The following MKRN2 variants were observed in gnomAD, a reference collection of about 807,000 sequenced individuals.
The protein encoded by MKRN2 is makorin ring finger protein 2.
In MKRN2, 32 loss-of-function variants were observed where a neutral mutation model predicts 45.4. That is an observed-to-expected ratio of 0.70 (90% CI 0.53 to 0.95). The LOEUF is 0.95. Among genes scored for constraint, MKRN2 ranks in the 40% least tolerant of loss-of-function variants. The probability of loss-of-function intolerance (pLI) is 0.00; values close to 1 mark genes in which losing one functional copy is unlikely to be tolerated. For missense variants in MKRN2, 526 were observed against 536.7 expected (o/e 0.98, Z 0.20); for synonymous variants, 206 against 192.4 (o/e 1.07, Z -0.59).
In MKRN2 at chr3:12,583,394, TTAGAG is replaced by T. The variant is rs1222552635; in HGVS notation, c.*1144_*1148del. 7.4e-5 allele frequency: 13 copies of T among 175,994 alleles called. 1 individual carries two copies. Among genetic ancestry groups the T allele is most frequent in the Admixed American group, 2.5e-4 (4 of 15,858 alleles). The allele number at this position is 175,994 out of a possible 1,614,324, so 10.9% of individuals were successfully genotyped here. A position where few individuals can be genotyped will look rare whatever the true frequency, so the allele number is the denominator to read the frequency against. ...GTATTACTTAAGGTATTAGCTGAGT[TTAGAG>T]TACTTTCTGCTTAATTAATTTTTAT... On this transcript the variant is annotated 3_prime_UTR_variant, in exon 8 of 8. Coordinates refer to ENST00000170447, the MANE Select transcript of MKRN2 (RefSeq NM_014160.5).
chr3:12,563,031 C>A (rs1404541733), intron 1 of MKRN2, among the ~76,000 whole-genome samples: 1 of 152,204 alleles, frequency 6.6e-6, no homozygotes, highest in Non-Finnish European at 1.5e-5. Flanking sequence ...TGGTCCCTGG[C>A]TCCAAAAAGA....
At position 12,576,742 on chromosome 3, in the gene MKRN2, G is replaced by A; in HGVS notation, c.968+1G>A. ...TTGAAGCTTTCAAACAGGGGATGGG[G>A]TAAGTGCTTTTGAGTTTCGACGTGC... On this transcript the variant is annotated splice_donor_variant, in intron 6 of 7. Coordinates refer to ENST00000170447, the MANE Select transcript of MKRN2 (RefSeq NM_014160.5). LOFTEE classifies it high-confidence loss of function. The A allele has an allele frequency of 6.3e-7, 1 of 1,589,624 alleles. No homozygotes were observed. The highest frequency in any genetic ancestry group is 1.1e-5 in the South Asian group (1 of 90,538).
At chr3:12,557,213 C>G in intron 1 of MKRN2, 37 bp downstream of exon 1, 1 of 1,529,964 alleles carries the variant, frequency 6.5e-7, no homozygotes, top group Non-Finnish European at 8.8e-7. Context: ...GGGCCGCTCC[C>G]CCAGGCCGCA....
chr3:12,578,850 A>G (rs1216049142), intron 6 of MKRN2, among the ~76,000 whole-genome samples: 2 of 148,382 alleles, frequency 1.3e-5, no homozygotes, highest in African/African-American at 2.5e-5. Flanking sequence ...TTAGTTTACT[A>G]AAGCTTGATT....
chr3:12,582,199 A>G lies in MKRN2; in HGVS notation c.1197A>G (p.Thr399=). The G allele has an allele frequency of 4.3e-6, 7 of 1,614,176 alleles. No individual in the cohort carries two copies. The highest frequency in any genetic ancestry group is 5.9e-6 in the Non-Finnish European group (7 of 1,180,044). ...HVPNNEDVDM[T]ELGDLFMHLS... ...CCAACAATGAAGATGTCGACATGAC[A>G]GAGCTCGGGGACCTCTTCATGCACC... is the stretch of plus-strand genomic sequence containing the variant. The change falls in exon 8 of 8, where the codon ACA becomes ACG. Residue 399 remains threonine, a synonymous_variant. Transcript: ENST00000170447.
rs552089106 is a variant in MKRN2 at position 12,571,133 on chromosome 3, G to GT, written c.337+891dup. 2.5e-3 allele frequency among the ~76,000 whole-genome samples: 306 copies of GT among 124,492 alleles called. 2 individuals carry two copies. Among genetic ancestry groups the GT allele is most frequent in the South Asian group, 0.02 (85 of 4,254 alleles). The allele number at this position is 124,492 out of a possible 152,430, so 81.7% of individuals were successfully genotyped here. A position where few individuals can be genotyped will look rare whatever the true frequency, so the allele number is the denominator to read the frequency against. On this transcript the variant is annotated intron_variant, in intron 3 of 7. Transcript: ENST00000170447. Reference sequence around the variant, plus strand: ...TGTGTTTTTTGTTTGTTTTGTTTTTGTTTTTTTTTTGGAGATGGAGACTCG... The same window carrying GT: ...TGTGTTTTTTGTTTGTTTTGTTTTTGTTTTTTTTTTTGGAGATGGAGACTCG...
intron 1 of MKRN2, among the ~76,000 whole-genome samples, chr3:12,563,282 GA>G: frequency 6.6e-6 from 1 of 152,108 alleles, no homozygotes; most frequent in Non-Finnish European, 1.5e-5. Flanking sequence ...ATTTCCCTGG[GA>G]AAAAAATAAA....
In MKRN2 at chr3:12,572,106, C is replaced by A; in HGVS notation, c.375C>A (p.Ser125Arg). The A allele has an allele frequency of 6.2e-7, 1 of 1,613,122 alleles. No individual in the cohort carries two copies. Among genetic ancestry groups the A allele is most frequent in the East Asian group, 2.2e-5 (1 of 44,864 alleles). ...SGMAERKTQP[S>R]MVSNPGSCSD... ...TGGCTGAAAGGAAGACCCAGCCGAG[C>A]ATGGTGAGTAATCCAGGCAGCTGCA... Residue 125 changes from serine (S) to arginine (R), a missense_variant, in exon 4 of 8, where the codon AGC (serine) becomes AGA (arginine). Transcript: ENST00000170447.
chr3:12,574,701 A>G, intron 4 of MKRN2, 91 bp from the exon 5 acceptor site: 2 of 1,194,226 alleles, frequency 1.7e-6, no homozygotes, highest in Non-Finnish European at 2.4e-6. Flanking sequence ...TCCTGATCTC[A>G]GCTGTGGCAG....
chr3:12,573,774 T>G (rs1323981118), intron 4 of MKRN2, among the ~76,000 whole-genome samples: 2 of 151,782 alleles, frequency 1.3e-5, no homozygotes, highest in Non-Finnish European at 2.9e-5. Flanking sequence ...GCGCCTGTAG[T>G]CCCAGCTACT....
chr3:12,560,885 A>T (rs1456662066), intron 1 of MKRN2: 1 of 152,250 alleles, frequency 6.6e-6, no homozygotes, highest in East Asian at 1.9e-4. Flanking sequence ...GAGCAGTTGG[A>T]AATTCATTAC....
chr3:12,563,231 C>T (rs1006787851), intron 1 of MKRN2, among the ~76,000 whole-genome samples: 1 of 152,164 alleles, frequency 6.6e-6, no homozygotes, highest in Non-Finnish European at 1.5e-5. Flanking sequence ...ACTAGCCAAA[C>T]GCATGAGAGA....
intron 1 of MKRN2, among the ~76,000 whole-genome samples, chr3:12,567,691 A>G (rs1173704150): frequency 6.6e-6 from 1 of 151,838 alleles, no homozygotes; most frequent in African/African-American, 2.4e-5. Context: ...GGGTTTCTCC[A>G]TGTTGGTCAG....
intron 1 of MKRN2, among the ~76,000 whole-genome samples, chr3:12,564,579 A>G (rs2058059346): frequency 6.6e-6 from 1 of 152,154 alleles, no homozygotes; most frequent in Non-Finnish European, 1.5e-5. Flanking sequence ...CTAACCTAGC[A>G]TTGTCCCTTC....
intron 6 of MKRN2, among the ~76,000 whole-genome samples, chr3:12,580,176 G>A (rs2058167855): frequency 6.6e-6 from 1 of 152,212 alleles, no homozygotes; most frequent in African/African-American, 2.4e-5. Flanking sequence ...AGATAAGCCT[G>A]GGGGAGGAAA....
rs200099008 is a variant in MKRN2 at position 12,581,831 on chromosome 3, A to C, written c.992A>C (p.Glu331Ala). ...GMGKKACKYF[E>A]QGKGTCPFGS... ...AGGAAAAAAGCCTGTAAATACTTTG[A>C]GCAAGGCAAGGGGACCTGCCCATTT... is the stretch of plus-strand genomic sequence containing the variant. Residue 331 changes from glutamate to alanine, a missense_variant, in exon 7 of 8, where the codon GAG (glutamate) becomes GCG (alanine). Glu to Ala is a moderately radical substitution (Grantham distance 107). Transcript: ENST00000170447. The C allele has an allele frequency of 9.0e-5, 146 of 1,614,000 alleles. No homozygotes were observed. The highest frequency in any genetic ancestry group is 1.2e-4 in the Non-Finnish European group (141 of 1,180,026).
intron 1 of MKRN2, chr3:12,561,029 G>A (rs147093934): frequency 6.6e-6 from 1 of 152,318 alleles, no homozygotes; most frequent in African/African-American, 2.4e-5. Flanking sequence ...TTGTCACTGG[G>A]GAGTGGAAAT....
At chr3:12,570,898 A>G (rs1165775384) in intron 3 of MKRN2, among the ~76,000 whole-genome samples, 7 of 151,050 alleles carry the variant, frequency 4.6e-5, no homozygotes, top group East Asian at 3.9e-4. Flanking sequence ...AAAAAAAAAA[A>G]AAAAAGAAAA....
rs552370157 is a variant in MKRN2 at position 12,561,875 on chromosome 3, C to T, written c.26+4699C>T. On this transcript the variant is annotated intron_variant, in intron 1 of 7. Transcript: ENST00000170447. ...TTTCTCAAAAATAATTCTCAAACTG[C>T]TTAGATGTATACTCTACTTTTGTGT... Among the ~76,000 whole-genome samples the T allele has an allele frequency of 7.2e-5, 11 of 152,162 alleles. No homozygotes were observed. The East Asian group carries it at 1.9e-3, about 27-fold the overall frequency.
Sources: gnomAD v4.1 joint callset for allele counts (sites outside exome capture counted in the v4.1 genomes callset) on GRCh38, gnomAD v4.1.1 for gene constraint, MANE v1.5 for transcripts, NCBI Gene and HGNC (gene_info 2026-07-23, HGNC 2026-07-21) for gene names.